DCUN1D3: variants seen among roughly 807,000 people sequenced by gnomAD.
DCUN1D3 encodes defective in cullin neddylation 1 domain containing 3, also known as DCN1-like protein 3.
DCUN1D3 carries 6 observed loss-of-function variants against 24.8 expected under a neutral mutation model. That is an observed-to-expected ratio of 0.24 (90% confidence interval 0.13 to 0.48). The LOEUF (loss-of-function observed/expected upper bound fraction) is 0.48, where lower values mean the gene tolerates loss of function less well. Among genes scored for constraint, DCUN1D3 ranks in the 20% least tolerant of loss-of-function variants. The pLI is 0.99. For synonymous variants in DCUN1D3, 120 were observed against 144.9 expected (o/e 0.83, Z 1.24); for missense variants, 258 against 379.4 (o/e 0.68, Z 2.66).
At chr16:20,869,740 T>C (rs193155983) in intron 1 of DCUN1D3, among the ~76,000 whole-genome samples, 1 of 152,294 alleles carries the variant, frequency 6.6e-6, no homozygotes, top group African/African-American at 2.4e-5. Flanking sequence ...TCCACGACTC[T>C]ATAAGGAAGA....
chr16:20,894,615 T>C (rs1355502849), intron 1 of DCUN1D3, among the ~76,000 whole-genome samples: 4 of 152,216 alleles, frequency 2.6e-5, no homozygotes, highest in Non-Finnish European at 4.4e-5. Context: ...AACAATATAG[T>C]ACAGCTCAAA....
Position 20,874,574 on chromosome 16 carries a change from C to G in DCUN1D3, c.-105-11931G>C, listed in dbSNP as rs143217332. Among the ~76,000 whole-genome samples, 230 of 152,336 alleles carry G rather than the reference C, an allele frequency of 1.5e-3. 1 individual carries two copies. The highest frequency in any genetic ancestry group is 5.3e-3 in the African/African-American group (222 of 41,582). ...TACAATAACATGATCAACCTTCCAGCTGAAACAGGTATTTGATCTAAACCA... is the reference window on the plus strand; with the variant it reads ...TACAATAACATGATCAACCTTCCAGGTGAAACAGGTATTTGATCTAAACCA... On this transcript the variant is annotated intron_variant, in intron 1 of 2. Transcript: ENST00000324344.
At position 20,855,404 on chromosome 16, in the gene DCUN1D3, C is replaced by G. The variant is rs565135649; in HGVS notation, c.*4482G>C. ...TGCATGTCAGGGGGATGAAAAACCCCAGCAGCTGCTGAATGGCTTCCTTTG... is the reference window on the plus strand; with the variant it reads ...TGCATGTCAGGGGGATGAAAAACCCGAGCAGCTGCTGAATGGCTTCCTTTG... On this transcript the variant is annotated 3_prime_UTR_variant, in exon 3 of 3. Transcript: ENST00000324344. 6.6e-6 allele frequency: 1 copy of G among 152,406 alleles called. No homozygotes were observed. Among genetic ancestry groups the G allele is most frequent in the Admixed American group, 6.5e-5 (1 of 15,306 alleles). 9.4% of individuals were successfully genotyped at this position (152,406 alleles called of 1,614,324 possible). A position where few individuals can be genotyped will look rare whatever the true frequency, so the allele number is the denominator to read the frequency against.
At chr16:20,861,399 C>T (rs1393802485) in intron 2 of DCUN1D3, among the ~76,000 whole-genome samples, 1 of 150,678 alleles carries the variant, frequency 6.6e-6, no homozygotes, top group African/African-American at 2.5e-5. Flanking sequence ...AGAGGCGTAT[C>T]CCCTCCCCAG....
rs2081713972 is a variant in DCUN1D3 at position 20,858,650 on chromosome 16, G to C, written c.*1236C>G. The C allele has an allele frequency of 6.6e-6, 1 of 151,136 alleles. No homozygotes were observed. Among genetic ancestry groups the C allele is most frequent in the African/African-American group, 2.4e-5 (1 of 41,040 alleles). 9.4% of individuals were successfully genotyped at this position (151,136 alleles called of 1,614,324 possible). On this transcript the variant is annotated 3_prime_UTR_variant, in exon 3 of 3. Coordinates refer to ENST00000324344, the MANE Select transcript of DCUN1D3 (RefSeq NM_173475.4). The stretch of plus-strand genomic sequence containing the variant: ...ACAGTCATCACATTACCCCAAATGA[G>C]CCTGACTTTAACAAAAAGATAATAA...
At chr16:20,875,212 A>ACGCG (rs1227429481) in intron 1 of DCUN1D3, among the ~76,000 whole-genome samples, 505 of 22,842 alleles carry the variant, frequency 0.022, 1 homozygote, top group African/African-American at 0.044. Context: ...GCGCTCATGC[A>ACGCG]CACACACACA....
chr16:20,889,935 A>G (rs1029652435), intron 1 of DCUN1D3, among the ~76,000 whole-genome samples: 17 of 152,146 alleles, frequency 1.1e-4, no homozygotes, highest in African/African-American at 3.9e-4. Flanking sequence ...TCAATCACCA[A>G]TGGTCAATGA....
rs1205164650 is a variant in DCUN1D3 at position 20,860,403 on chromosome 16, A to G, written c.432-34T>C. ...GAAAGGAAAAGGACAATTAATCATT[A>G]TAAACTATACTATTTACAGGCAATA... On this transcript the variant is annotated intron_variant, in intron 2 of 2. Coordinates refer to ENST00000324344, the MANE Select transcript of DCUN1D3 (RefSeq NM_173475.4). This position sits in a 1 kb window ranked among gnomAD's most constrained non-coding sequence, Gnocchi z 4.3. 1 of 1,586,636 alleles carries G rather than the reference A, an allele frequency of 6.3e-7. No individual in the cohort carries two copies. Among genetic ancestry groups the G allele is most frequent in the Admixed American group, 1.7e-5 (1 of 57,376 alleles).
intron 1 of DCUN1D3, among the ~76,000 whole-genome samples, chr16:20,867,997 C>T (rs1203645162): frequency 6.6e-6 from 1 of 152,252 alleles, no homozygotes; most frequent in Non-Finnish European, 1.5e-5. Context: ...CAATGAATTG[C>T]TGGTTATGCC....
chr16:20,873,586 A>T (rs1448542589), intron 1 of DCUN1D3, among the ~76,000 whole-genome samples: 2 of 152,252 alleles, frequency 1.3e-5, no homozygotes, highest in Admixed American at 1.3e-4. Context: ...CCTTCCCAGC[A>T]TCCAGGCTCT....
chr16:20,866,381 T>G (rs1301879723), intron 1 of DCUN1D3, among the ~76,000 whole-genome samples: 1 of 152,290 alleles, frequency 6.6e-6, no homozygotes, highest in South Asian at 2.1e-4. Context: ...GAGTGAGGCA[T>G]GGGCACCCAG....
chr16:20,883,462 G>A (rs990481194), intron 1 of DCUN1D3, among the ~76,000 whole-genome samples: 5 of 152,056 alleles, frequency 3.3e-5, no homozygotes, highest in African/African-American at 7.2e-5. Flanking sequence ...GCAGTGAGCC[G>A]AGGTCGAGCC....
chr16:20,885,096 C>T (rs566489017), intron 1 of DCUN1D3, among the ~76,000 whole-genome samples: 1 of 151,744 alleles, frequency 6.6e-6, no homozygotes, highest in Admixed American at 6.6e-5. Flanking sequence ...CTGCCTCAGC[C>T]TCCTGAGTAG....
Position 20,888,738 on chromosome 16 carries a change from G to A in DCUN1D3, c.-106+11466C>T, listed in dbSNP as rs191656978. 2.7e-3 allele frequency among the ~76,000 whole-genome samples: 408 copies of A among 152,268 alleles called. 2 individuals carry two copies. The highest frequency in any genetic ancestry group is 4.8e-3 in the South Asian group (23 of 4,826). On this transcript the variant is annotated intron_variant, in intron 1 of 2. Coordinates refer to ENST00000324344, the MANE Select transcript of DCUN1D3 (RefSeq NM_173475.4). The stretch of plus-strand genomic sequence containing the variant: ...CTTAAAATGCTAGGACTACAGGCAT[G>A]AGCCACCATGCCTGGCCCACTATGT...
intron 1 of DCUN1D3, among the ~76,000 whole-genome samples, chr16:20,893,449 A>T (rs1233937058): frequency 6.6e-6 from 1 of 152,200 alleles, no homozygotes; most frequent in African/African-American, 2.4e-5. Flanking sequence ...CTGGGATTAC[A>T]CGCATGCAGT....
At chr16:20,881,722 T>C (rs558837849) in intron 1 of DCUN1D3, among the ~76,000 whole-genome samples, 5 of 152,338 alleles carry the variant, frequency 3.3e-5, no homozygotes, top group Middle Eastern at 6.8e-3. Context: ...TGCAAGCCCT[T>C]AGCCTGTGAC....
intron 1 of DCUN1D3, among the ~76,000 whole-genome samples, chr16:20,887,659 G>A (rs1000798202): frequency 7.9e-5 from 12 of 152,196 alleles, no homozygotes; most frequent in Non-Finnish European, 1.3e-4. Flanking sequence ...GGCCTCAGAG[G>A]AGTTCACCAA....
At chr16:20,892,814 A>G (rs1283847779) in intron 1 of DCUN1D3, among the ~76,000 whole-genome samples, 1 of 152,226 alleles carries the variant, frequency 6.6e-6, no homozygotes, top group African/African-American at 2.4e-5. Flanking sequence ...TGAATGTAAT[A>G]TGGTCACTTT....
chr16:20,863,223 T>C (rs1423100498), intron 1 of DCUN1D3, among the ~76,000 whole-genome samples: 1 of 152,216 alleles, frequency 6.6e-6, no homozygotes, highest in Non-Finnish European at 1.5e-5. Flanking sequence ...TCTGGGCCTA[T>C]CCCACACAGT....
Sources: allele counts gnomAD v4.1 joint callset (sites outside exome capture counted in the v4.1 genomes callset), GRCh38; gene constraint gnomAD v4.1.1; non-coding constraint Gnocchi (gnomAD v3.1); transcripts MANE v1.5; gene names NCBI Gene and HGNC (gene_info 2026-07-23, HGNC 2026-07-21).